Variants in QTMAN observed in about 807,000 individuals in gnomAD.
QTMAN encodes queuosine-tRNA mannosyltransferase, also known as tRNA-queuosine alpha-mannosyltransferase.
the QTMAN span, among the ~76,000 whole-genome samples, chr2:144,050,781 GCACACACA>G: frequency 2.0e-5 from 3 of 148,918 alleles, no homozygotes; most frequent in Non-Finnish European, 4.5e-5. Flanking sequence ...CTTTCAGTCA[GCACACACA>G]CACACACACA....
the QTMAN span, among the ~76,000 whole-genome samples, chr2:144,231,892 G>GTGTGTC: frequency 5.3e-5 from 7 of 132,486 alleles, no homozygotes; most frequent in African/African-American, 1.7e-4. Context: ...GTGTGTGTGT[G>GTGTGTC]TTATCTTTAC....
At chr2:143,958,609 T>C in the QTMAN span, among the ~76,000 whole-genome samples, 8 of 152,006 alleles carry the variant, frequency 5.3e-5, no homozygotes, top group Non-Finnish European at 8.8e-5. Flanking sequence ...CCTTAAATAG[T>C]TGCTAGAACC....
At chr2:144,022,563 T>C in the QTMAN span, among the ~76,000 whole-genome samples, 7 of 140,030 alleles carry the variant, frequency 5.0e-5, no homozygotes, top group East Asian at 8.2e-4. Flanking sequence ...TCTCTCTCTT[T>C]TTTTTTTTTT....
the QTMAN span, among the ~76,000 whole-genome samples, chr2:144,168,971 GCTAGTCTCA>G: frequency 6.6e-6 from 1 of 151,802 alleles, no homozygotes; most frequent in Non-Finnish European, 1.5e-5. Flanking sequence ...AAAAAAATAG[GCTAGTCTCA>G]CTTTTTACTG....
At chr2:143,959,839 T>C in the QTMAN span, among the ~76,000 whole-genome samples, 1 of 152,044 alleles carries the variant, frequency 6.6e-6, no homozygotes, top group African/African-American at 2.4e-5. Flanking sequence ...TATAATGATT[T>C]TGGAAAAAGC....
the QTMAN span, among the ~76,000 whole-genome samples, chr2:144,112,046 T>G: frequency 6.6e-6 from 1 of 152,216 alleles, no homozygotes; most frequent in Non-Finnish European, 1.5e-5. Flanking sequence ...AAGAATAACC[T>G]AATTGGTTCT....
At chr2:143,998,571 T>G in the QTMAN span, among the ~76,000 whole-genome samples, 2 of 152,048 alleles carry the variant, frequency 1.3e-5, no homozygotes, top group Non-Finnish European at 2.9e-5. Context: ...TGGATCTCAT[T>G]CACTTAGGAT....
At chr2:144,235,101 A>C in the QTMAN span, among the ~76,000 whole-genome samples, 2 of 152,178 alleles carry the variant, frequency 1.3e-5, no homozygotes, top group Non-Finnish European at 2.9e-5. Context: ...GTATTACTGC[A>C]TGGGACACTG....
the QTMAN span, among the ~76,000 whole-genome samples, chr2:143,953,474 C>A: frequency 6.6e-6 from 1 of 151,800 alleles, no homozygotes; most frequent in African/African-American, 2.4e-5. Flanking sequence ...GCTCACTTTC[C>A]ATTTTATCAG....
At chr2:144,175,718 C>A in the QTMAN span, among the ~76,000 whole-genome samples, 1 of 152,118 alleles carries the variant, frequency 6.6e-6, no homozygotes, top group Admixed American at 6.6e-5. Context: ...TGCTGGAGTG[C>A]AGTGGCAGTG....
chr2:144,163,797 T>G, the QTMAN span, among the ~76,000 whole-genome samples: 2 of 152,240 alleles, frequency 1.3e-5, no homozygotes, highest in African/African-American at 4.8e-5. Context: ...TAAGGTCATG[T>G]ACTCCAAAGG....
At chr2:144,260,739 T>C in the QTMAN span, among the ~76,000 whole-genome samples, 1 of 152,016 alleles carries the variant, frequency 6.6e-6, no homozygotes, top group Admixed American at 6.6e-5. Flanking sequence ...AAACATGTTA[T>C]GTTCTAAATG....
At chr2:144,298,462 T>A in the QTMAN span, among the ~76,000 whole-genome samples, 1 of 152,172 alleles carries the variant, frequency 6.6e-6, no homozygotes, top group Non-Finnish European at 1.5e-5. Context: ...AGGTATGGGG[T>A]GTTTATTGTA....
At chr2:144,303,433 G>C in the QTMAN span, among the ~76,000 whole-genome samples, 1 of 152,064 alleles carries the variant, frequency 6.6e-6, no homozygotes, top group African/African-American at 2.4e-5. Context: ...ACTGAAATTG[G>C]CCTCAATATG....
chr2:144,015,967 C>G, the QTMAN span, among the ~76,000 whole-genome samples: 1 of 152,122 alleles, frequency 6.6e-6, no homozygotes, highest in Non-Finnish European at 1.5e-5. Context: ...TCGGGCGTGA[C>G]GTGTAGTAGG....
the QTMAN span, among the ~76,000 whole-genome samples, chr2:144,037,483 G>A: frequency 6.6e-6 from 1 of 152,144 alleles, no homozygotes; most frequent in Admixed American, 6.6e-5. Context: ...CTAAGCAGAG[G>A]GACCTAGTTG....
At chr2:144,180,446 TA>T in the QTMAN span, among the ~76,000 whole-genome samples, 2 of 152,016 alleles carry the variant, frequency 1.3e-5, no homozygotes, top group Non-Finnish European at 2.9e-5. Flanking sequence ...TCTGAACTGT[TA>T]AAAAAAATTA....
the QTMAN span, among the ~76,000 whole-genome samples, chr2:144,057,017 T>G: frequency 6.6e-6 from 1 of 152,226 alleles, no homozygotes; most frequent in Non-Finnish European, 1.5e-5. Flanking sequence ...CATCCAAAAT[T>G]GCACCTTTGT....
At chr2:144,327,945 GTTAT>G in the QTMAN span, among the ~76,000 whole-genome samples, 2 of 151,670 alleles carry the variant, frequency 1.3e-5, no homozygotes, top group Non-Finnish European at 2.9e-5. Context: ...TGCTTCTCTG[GTTAT>G]TTATTTATTT....
Sources: gnomAD v4.1 joint callset for allele counts (sites outside exome capture counted in the v4.1 genomes callset) on GRCh38, gnomAD v4.1.1 for gene constraint, MANE v1.5 for transcripts, NCBI Gene and HGNC (gene_info 2026-07-23, HGNC 2026-07-21) for gene names.